MEGF8: variants seen among roughly 807,000 people sequenced by gnomAD.
The protein encoded by MEGF8 is multiple epidermal growth factor-like domains protein 8.
MEGF8 carries 156 observed loss-of-function variants against 302.9 expected under a neutral mutation model. The observed-to-expected ratio is 0.52, with a 90% CI of 0.45 to 0.59. The LOEUF (loss-of-function observed/expected upper bound fraction) is 0.59. Among genes scored for constraint, MEGF8 ranks in the 20% least tolerant of loss-of-function variants. MEGF8 has a pLI of 0.00. For synonymous variants in MEGF8, 1,621 were observed against 1,660.5 expected (o/e 0.98, Z 0.58); for missense variants, 3,345 against 3,964.5 (o/e 0.84, Z 4.20).
Position 42,362,589 on chromosome 19 carries a change from A to G in MEGF8, c.6050A>G (p.Lys2017Arg). The G allele has an allele frequency of 6.2e-7, 1 of 1,612,152 alleles. No individual in the cohort carries two copies. Among genetic ancestry groups the G allele is most frequent in the Non-Finnish European group, 8.5e-7 (1 of 1,179,856 alleles). ...EGKCMWTRQF[K>R]RTGETRRILS... The stretch of plus-strand genomic sequence containing the variant: ...AAGTGCATGTGGACGCGGCAGTTCA[A>G]GAGGACAGGTGAGCAGTGGGCCTAG... The change falls in exon 34 of 42, where the codon AAG (lysine) becomes AGG (arginine). Residue 2017 changes from lysine (K) to arginine (R), a missense_variant. By Grantham distance (26) the Lys-to-Arg change is conservative (BLOSUM62 2). Coordinates refer to ENST00000251268, the MANE Select transcript of MEGF8 (RefSeq NM_001271938.2).
chr19:42,337,753 G>A (rs1449882697), intron 8 of MEGF8, among the ~76,000 whole-genome samples: 1 of 151,668 alleles, frequency 6.6e-6, no homozygotes, highest in African/African-American at 2.4e-5. Context: ...TGATCTGCCC[G>A]CCTCGGCCTC....
chr19:42,363,392 G>A (rs2039561332), intron 35 of MEGF8, 130 bp downstream of exon 35: 1 of 807,372 alleles, frequency 1.2e-6, no homozygotes, highest in Non-Finnish European at 2.0e-6. Context: ...TCTAGCTGCA[G>A]TCGTGCTTCC....
rs757955337 is a variant in MEGF8, at chr19:42,355,887, A to G, written c.4274A>G (p.Asp1425Gly). ...GTCCCCCAGGAATGCGTGCCCCAGG[A>G]CGGTGCTGCAGGTGCGGGGCTCTGC... The part of the protein sequence containing the change: ...CPVPQECVPQ[D>G]GAAGAGLCRC... Residue 1425 changes from aspartate to glycine, a missense_variant, in exon 24 of 42, where the codon GAC becomes GGC. By Grantham distance (94) the Asp-to-Gly change is moderately conservative. Transcript: ENST00000251268. 2.5e-6 allele frequency: 4 copies of G among 1,581,538 alleles called. No homozygotes were observed. Among genetic ancestry groups the G allele is most frequent in the Non-Finnish European group, 3.4e-6 (4 of 1,164,430 alleles).
chr19:42,326,096 G>C lies in MEGF8; in HGVS notation c.-148G>C. ...TCAGCAGTGGCCGTACCCTTCGCCG[G>C]GACTGCCGGGTCTCCGGGACCTCTT... On this transcript the variant is annotated 5_prime_UTR_variant, in exon 1 of 42. Coordinates refer to ENST00000251268, the MANE Select transcript of MEGF8 (RefSeq NM_001271938.2). 7.7e-7 allele frequency: 1 copy of C among 1,301,506 alleles called. No homozygotes were observed. The highest frequency in any genetic ancestry group is 9.9e-7 in the Non-Finnish European group (1 of 1,006,878). 80.6% of individuals were successfully genotyped at this position (1,301,506 alleles called of 1,614,324 possible). A position where few individuals can be genotyped will look rare whatever the true frequency, so the allele number is the denominator to read the frequency against.
rs1568555799 is a variant in MEGF8, at chr19:42,334,072, C to T, written c.417C>T (p.Phe139=). The change falls in exon 3 of 42, where the codon TTC becomes TTT. Residue 139 remains phenylalanine (F), a synonymous_variant. Transcript: ENST00000251268. ...TGGGCTTTAACGCCTCATTCCGCTT[C>T]TCCCTGTGCCCGGGTGGCTGCCAGA... is the stretch of plus-strand genomic sequence containing the variant. ...NLLGFNASFR[F]SLCPGGCQSH... is the part of the protein sequence containing the mutation. 2 of 1,613,790 alleles carry T rather than the reference C, an allele frequency of 1.2e-6. No homozygotes were observed. The highest frequency in any genetic ancestry group is 1.7e-6 in the Non-Finnish European group (2 of 1,179,870).
intron 14 of MEGF8, 132 bp from the exon 15 acceptor site, chr19:42,350,016 G>A: frequency 1.4e-6 from 1 of 731,640 alleles, no homozygotes; most frequent in Non-Finnish European, 2.3e-6. Flanking sequence ...CCTCTTTACT[G>A]ATTTCCTAAA....
In MEGF8 at chr19:42,375,611, G is replaced by A; in HGVS notation, c.7374G>A (p.Gln2458=). 6.2e-7 allele frequency: 1 copy of A among 1,606,462 alleles called. No individual in the cohort carries two copies. The highest frequency in any genetic ancestry group is 8.5e-7 in the Non-Finnish European group (1 of 1,177,286). ...AGTGCTGCCTGGACCCCACGTCCCAGACCAACTGCTTCCATGAGCCCAAAC... is the reference window on the plus strand; with the variant it reads ...AGTGCTGCCTGGACCCCACGTCCCAAACCAACTGCTTCCATGAGCCCAAAC... ...EQECCLDPTS[Q]TNCFHEPKRR... The change falls in exon 42 of 42, where the codon CAG becomes CAA. Residue 2458 remains glutamine (Q), a synonymous_variant. Coordinates refer to ENST00000251268, the MANE Select transcript of MEGF8 (RefSeq NM_001271938.2). The surrounding 1 kb of genome is among the most constrained non-coding windows in gnomAD (Gnocchi z 7.1).
At position 42,352,963 on chromosome 19, in the gene MEGF8, GC is replaced by G; in HGVS notation, c.3392del (p.Pro1131ArgfsTer9). The G allele has an allele frequency of 1.2e-6, 2 of 1,601,500 alleles. No homozygotes were observed. The highest frequency in any genetic ancestry group is 1.7e-6 in the Non-Finnish European group (2 of 1,174,852). ...LEDCGHGVCS[G>X]PPDFTCVCDL... ...GACTGTGGCCATGGTGTGTGCAGTG[GC>G]CCCCCGGACTTTACCTGCGTGTGTG... On this transcript the variant is annotated frameshift_variant, in exon 20 of 42. Transcript: ENST00000251268. LOFTEE classifies it high-confidence loss of function. The surrounding 1 kb of genome is among the most constrained non-coding windows in gnomAD (Gnocchi z 4.4).
Position 42,368,961 on chromosome 19 carries a change from C to T in MEGF8, c.6600C>T (p.His2200=), listed in dbSNP as rs780962133. ...NETQNCHDQP[H]GYECSCKTGY... is the part of the protein sequence containing the mutation. ...CGCAGAATTGCCACGACCAGCCCCACGGCTATGAGTGCAGCTGCAAGACCG... is the reference window on the plus strand; with the variant it reads ...CGCAGAATTGCCACGACCAGCCCCATGGCTATGAGTGCAGCTGCAAGACCG... Residue 2200 remains histidine, a synonymous_variant, in exon 37 of 42, where the codon CAC becomes CAT. Coordinates refer to ENST00000251268, the MANE Select transcript of MEGF8 (RefSeq NM_001271938.2). The surrounding 1 kb of genome is among the most constrained non-coding windows in gnomAD (Gnocchi z 4.9). 2.8e-5 allele frequency: 45 copies of T among 1,613,754 alleles called. No individual in the cohort carries two copies. Among genetic ancestry groups the T allele is most frequent in the Middle Eastern group, 3.3e-4 (2 of 6,084 alleles).
In MEGF8 at chr19:42,375,572, C is replaced by G. The variant is rs373259008; in HGVS notation, c.7335C>G (p.Ile2445Met). The G allele has an allele frequency of 5.0e-6, 8 of 1,596,990 alleles. No individual in the cohort carries two copies. The African/African-American group carries it at 1.1e-4, about 21-fold the overall frequency. ...GCGGCCAGCAGTGCTACCGCCTCAT[C>G]TCGGTGGAGCAGGAGTGCTGCCTGG... ...PLGGQQCYRLISVEQECCLDP... is the reference protein window; with the variant it reads ...PLGGQQCYRLMSVEQECCLDP... Residue 2445 changes from isoleucine (I) to methionine (M), a missense_variant, in exon 42 of 42, where the codon ATC becomes ATG. By Grantham distance (10) the Ile-to-Met change is conservative. Coordinates refer to ENST00000251268, the MANE Select transcript of MEGF8 (RefSeq NM_001271938.2). The surrounding 1 kb of genome is among the most constrained non-coding windows in gnomAD (Gnocchi z 7.1).
Position 42,334,359 on chromosome 19 carries a change from C to G in MEGF8, c.558+146C>G, listed in dbSNP as rs140586587. On this transcript the variant is annotated intron_variant, in intron 3 of 41. Coordinates refer to ENST00000251268, the MANE Select transcript of MEGF8 (RefSeq NM_001271938.2). ...CCGTGACACCCACTTCCCTCTCCTT[C>G]CAGAGCTTGCCCCTCACCTGTTACT... The G allele has an allele frequency of 1.7e-4, 130 of 775,146 alleles. 1 individual carries two copies. In the East Asian group the frequency reaches 3.5e-3, roughly 21 times the overall value. 48.0% of individuals were successfully genotyped at this position (775,146 alleles called of 1,614,324 possible). A position where few individuals can be genotyped will look rare whatever the true frequency, so the allele number is the denominator to read the frequency against.
At chr19:42,329,800 A>T (rs2039032029) in intron 1 of MEGF8, among the ~76,000 whole-genome samples, 1 of 150,270 alleles carries the variant, frequency 6.7e-6, no homozygotes, top group African/African-American at 2.4e-5. Flanking sequence ...TGAGCCTAGG[A>T]GGCTGAGGTC....
At position 42,354,049 on chromosome 19, in the gene MEGF8, C is replaced by T; in HGVS notation, c.4011+25C>T. ...GGTGAGCACTGAGGAAACGAGGGTT[C>T]AGGCGCATGAGCCAGAACCGTGTCC... On this transcript the variant is annotated intron_variant, in intron 22 of 41. Coordinates refer to ENST00000251268, the MANE Select transcript of MEGF8 (RefSeq NM_001271938.2). The surrounding 1 kb of genome is among the most constrained non-coding windows in gnomAD (Gnocchi z 4.3). The T allele has an allele frequency of 1.3e-6, 2 of 1,578,418 alleles. No individual in the cohort carries two copies. Among genetic ancestry groups the T allele is most frequent in the Admixed American group, 1.8e-5 (1 of 56,300 alleles).
At position 42,350,392 on chromosome 19, in the gene MEGF8, TG is replaced by T; in HGVS notation, c.2736+12del. 1 of 1,515,348 alleles carries T rather than the reference TG, an allele frequency of 6.6e-7. No individual in the cohort carries two copies. The allele number at this position is 1,515,348 out of a possible 1,614,324, so 93.9% of individuals were successfully genotyped here. A position where few individuals can be genotyped will look rare whatever the true frequency, so the allele number is the denominator to read the frequency against. ...TGCCACGCCTGCACCCAGGTGCCTGTGGGGCCACCAGGGGAGGTCACAAGGT... is the reference window on the plus strand; with the variant it reads ...TGCCACGCCTGCACCCAGGTGCCTGTGGGCCACCAGGGGAGGTCACAAGGT... On this transcript the variant is annotated intron_variant, in intron 15 of 41. Transcript: ENST00000251268.
chr19:42,375,730 G>T lies in MEGF8; in HGVS notation c.7493G>T (p.Gly2498Val). 6.2e-7 allele frequency: 1 copy of T among 1,612,246 alleles called. No homozygotes were observed. The highest frequency in any genetic ancestry group is 1.1e-5 in the South Asian group (1 of 90,742). Residue 2498 changes from glycine (G) to valine (V), a missense_variant, in exon 42 of 42, where the codon GGG becomes GTG. Transcript: ENST00000251268. This position sits in a 1 kb window ranked among gnomAD's most constrained non-coding sequence, Gnocchi z 7.1. ...CGCCTGACGCTGGACGTGACCTTCG[G>T]GGCCGTGGACCTCTATGTCTCCACC... ...DIRLTLDVTF[G>V]AVDLYVSTSY...
chr19:42,330,564 G>A (rs2039042697), intron 1 of MEGF8, among the ~76,000 whole-genome samples: 1 of 152,218 alleles, frequency 6.6e-6, no homozygotes, highest in Non-Finnish European at 1.5e-5. Flanking sequence ...GTTAGAGCCT[G>A]AGGGAGAGCT....
rs1397410396 is a variant in MEGF8, at chr19:42,353,478, G to A, written c.3564G>A (p.Gly1188=). 6.2e-7 allele frequency: 1 copy of A among 1,610,524 alleles called. No homozygotes were observed. The highest frequency in any genetic ancestry group is 8.5e-7 in the Non-Finnish European group (1 of 1,179,374). The change falls in exon 21 of 42, where the codon GGG becomes GGA. Residue 1188 remains glycine, a synonymous_variant. Coordinates refer to ENST00000251268, the MANE Select transcript of MEGF8 (RefSeq NM_001271938.2). The surrounding 1 kb of genome is among the most constrained non-coding windows in gnomAD (Gnocchi z 6.1). ...GGGCCTCCACAGACTGGACATGGGGGGAGCACTGCGAACGATGCCGGCCCG... is the reference window on the plus strand; with the variant it reads ...GGGCCTCCACAGACTGGACATGGGGAGAGCACTGCGAACGATGCCGGCCCG... The part of the protein sequence containing the change: ...FCDECQDWTW[G]EHCERCRPGS...
chr19:42,353,419 T>C lies in MEGF8; in HGVS notation c.3551-46T>C, dbSNP rs1277523463. 5 of 1,588,256 alleles carry C rather than the reference T, an allele frequency of 3.1e-6. No homozygotes were observed. The highest frequency in any genetic ancestry group is 1.1e-5 in the South Asian group (1 of 87,622). On this transcript the variant is annotated intron_variant, in intron 20 of 41. Coordinates refer to ENST00000251268, the MANE Select transcript of MEGF8 (RefSeq NM_001271938.2). The surrounding 1 kb of genome is among the most constrained non-coding windows in gnomAD (Gnocchi z 6.1). ...GCTGAGCCAGTAGGCCTGGGCCTGT[T>C]TCCACCCTTGACTTGACTCTGTCCC...
chr19:42,349,923 C>T (rs1404478847), intron 14 of MEGF8, among the ~76,000 whole-genome samples: 2 of 152,142 alleles, frequency 1.3e-5, no homozygotes, highest in African/African-American at 2.4e-5. Context: ...TCTTCTGACT[C>T]CTCACCCTTG....
Sources: allele counts gnomAD v4.1 joint callset (sites outside exome capture counted in the v4.1 genomes callset), GRCh38; gene constraint gnomAD v4.1.1; non-coding constraint Gnocchi (gnomAD v3.1); transcripts MANE v1.5; gene names NCBI Gene and HGNC (gene_info 2026-07-23, HGNC 2026-07-21).